Variants in INSL6 observed in about 807,000 individuals in gnomAD.
INSL6 encodes the protein insulin like 6.
INSL6 carries 16 observed loss-of-function variants against 9.4 expected under a neutral mutation model. The observed-to-expected ratio is 1.70, with a 90% CI of 1.15 to 2.59. The LOEUF (loss-of-function observed/expected upper bound fraction) is 2.59, where lower values mean the gene tolerates loss of function less well. Ranked by LOEUF, INSL6 falls within the 30% of genes most tolerant of loss-of-function variation. INSL6 has a pLI of 0.00. For synonymous variants in INSL6, 154 were observed against 96.9 expected, an observed-to-expected ratio of 1.59 and a Z score of -3.46; for missense variants, 391 against 257.3, an observed-to-expected ratio of 1.52 and a Z score of -3.56.
At chr9:5,139,630 G>C (rs1336275613) in intron 2 of INSL6, among the ~76,000 whole-genome samples, 1 of 152,166 alleles carries the variant, frequency 6.6e-6, no homozygotes, top group Non-Finnish European at 1.5e-5. Flanking sequence ...TGCTACTGGA[G>C]TGGTAGAAGA....
chr9:5,085,370 C>G, the INSL6 span: 6 of 904,740 alleles, frequency 6.6e-6, no homozygotes, highest in Non-Finnish European at 1.1e-5. Context: ...TAGGTGATCT[C>G]ATGCACCACT....
At chr9:5,072,963 A>C in the INSL6 span, among the ~76,000 whole-genome samples, 3 of 152,206 alleles carry the variant, frequency 2.0e-5, no homozygotes, top group Non-Finnish European at 2.9e-5. Context: ...TGAAAAAAAA[A>C]CAAAAAACCA....
At chr9:5,113,343 T>C in the INSL6 span, among the ~76,000 whole-genome samples, 1 of 150,724 alleles carries the variant, frequency 6.6e-6, no homozygotes, top group Non-Finnish European at 1.5e-5. Context: ...TGTGGAAACT[T>C]GGCTTATTCT....
At chr9:5,100,569 T>G in the INSL6 span, 1 of 152,366 alleles carries the variant, frequency 6.6e-6, no homozygotes, top group East Asian at 1.9e-4. Context: ...AATGCCAGAA[T>G]TAGGAGGACA....
the INSL6 span, among the ~76,000 whole-genome samples, chr9:5,095,648 T>C: frequency 2.0e-5 from 3 of 152,130 alleles, no homozygotes; most frequent in African/African-American, 7.2e-5. Flanking sequence ...ATCTCAATTA[T>C]ATTTCAAATT....
chr9:5,100,301 C>T, the INSL6 span: 2 of 152,218 alleles, frequency 1.3e-5, no homozygotes, highest in African/African-American at 4.8e-5. Context: ...CAGAAGCTCT[C>T]TCAGCTCTAC....
At chr9:5,104,111 C>T in the INSL6 span, among the ~76,000 whole-genome samples, 2 of 152,022 alleles carry the variant, frequency 1.3e-5, no homozygotes, top group East Asian at 3.9e-4. Flanking sequence ...TTCAAAAAAT[C>T]AATGAATCCA....
chr9:5,031,677 C>T, the INSL6 span, among the ~76,000 whole-genome samples: 1 of 152,074 alleles, frequency 6.6e-6, no homozygotes, highest in South Asian at 2.1e-4. Context: ...ATTTAAGTTG[C>T]AAAACAATAG....
In INSL6 at chr9:5,126,482, TTTTC is replaced by T. The variant is rs1483302033; in HGVS notation, c.*11-1975_*11-1972del. 2.1e-6 allele frequency: 3 copies of T among 1,404,790 alleles called. No homozygotes were observed. The Admixed American group carries it at 5.5e-5, about 26-fold the overall frequency. The allele number at this position is 1,404,790 out of a possible 1,614,324, so 87.0% of individuals were successfully genotyped here. On this transcript the variant is annotated intron_variant, in intron 3 of 3. Transcript: ENST00000649639. ...TTTTTTAATCCAGGGTAGTCATGCA[TTTTC>T]TTTTACTTTTTACTCAAGGACTTCA...
At chr9:5,180,649 C>T (rs1420606331) in intron 1 of INSL6, among the ~76,000 whole-genome samples, 1 of 152,116 alleles carries the variant, frequency 6.6e-6, no homozygotes, top group Non-Finnish European at 1.5e-5. Flanking sequence ...AAAACTCCAC[C>T]CTGGTAAATT....
At chr9:5,089,009 T>C in the INSL6 span, among the ~76,000 whole-genome samples, 1 of 152,180 alleles carries the variant, frequency 6.6e-6, no homozygotes, top group Admixed American at 6.5e-5. Context: ...GCAAAAGGTA[T>C]TTTGTAAAAA....
intron 2 of INSL6, among the ~76,000 whole-genome samples, chr9:5,147,089 C>G (rs1166661771): frequency 6.6e-6 from 1 of 152,184 alleles, no homozygotes. Flanking sequence ...GTGGTCATCT[C>G]TGGCCACATT....
chr9:5,103,516 A>G, the INSL6 span, among the ~76,000 whole-genome samples: 1 of 152,190 alleles, frequency 6.6e-6, no homozygotes, highest in African/African-American at 2.4e-5. Context: ...GATCAATGAG[A>G]CAGAAGGTTA....
chr9:5,044,656 C>A, the INSL6 span: 1 of 521,934 alleles, frequency 1.9e-6, no homozygotes, highest in East Asian at 3.3e-5. Context: ...AGAGAAGTAA[C>A]AAAATTGAGT....
intron 1 of INSL6, among the ~76,000 whole-genome samples, chr9:5,175,288 C>T (rs7871515): frequency 0.36 from 55,288 of 151,880 alleles, 11,018 homozygotes; most frequent in African/African-American, 0.55. Flanking sequence ...TCAAATATGG[C>T]CCGTGTATAA....
At chr9:5,032,673 G>T in the INSL6 span, among the ~76,000 whole-genome samples, 1 of 152,218 alleles carries the variant, frequency 6.6e-6, no homozygotes, top group Non-Finnish European at 1.5e-5. Context: ...CAACAGACCT[G>T]CAGCAGAGGG....
At chr9:5,044,397 T>G in the INSL6 span, 1 of 1,580,156 alleles carries the variant, frequency 6.3e-7, no homozygotes, top group South Asian at 1.1e-5. Context: ...TTTTATTATC[T>G]TGTAGATTTT....
At chr9:5,151,852 T>C (rs1824719608) in intron 2 of INSL6, among the ~76,000 whole-genome samples, 1 of 152,086 alleles carries the variant, frequency 6.6e-6, no homozygotes, top group African/African-American at 2.4e-5. Context: ...CACTGTGAAC[T>C]TGATGAAAAA....
At chr9:5,069,140 A>C in the INSL6 span, 1 of 1,613,422 alleles carries the variant, frequency 6.2e-7, no homozygotes, top group Non-Finnish European at 8.5e-7. Context: ...AATTGTTACC[A>C]GATGGAAACT....
Sources: gnomAD v4.1 joint callset for allele counts (sites outside exome capture counted in the v4.1 genomes callset) on GRCh38, gnomAD v4.1.1 for gene constraint, MANE v1.5 for transcripts, NCBI Gene and HGNC (gene_info 2026-07-23, HGNC 2026-07-21) for gene names.